LMNA: variants seen among roughly 807,000 people sequenced by gnomAD.
LMNA encodes the protein lamin A/C, also known as lamin.
A neutral mutation model predicts 70.4 loss-of-function variants in LMNA; 20 were observed. The ratio of observed to expected loss-of-function variants is 0.28; its 90% CI spans 0.20 to 0.41. The LOEUF is 0.41. Ranked by LOEUF, LMNA falls within the 10% of genes least tolerant of loss-of-function variation. LMNA has a pLI of 1.00. For missense variants in LMNA, 652 were observed against 917.2 expected (o/e 0.71, Z 3.73); for synonymous variants, 339 against 372.8 (o/e 0.91, Z 1.04).
At chr1:156,096,205 G>C (rs1648930849) in intron 3 of LMNA, among the ~76,000 whole-genome samples, 1 of 152,074 alleles carries the variant, frequency 6.6e-6, no homozygotes, top group Non-Finnish European at 1.5e-5. Context: ...ACAGCCAGGG[G>C]CTCCCCCTTC....
chr1:156,108,502 G>T (rs1242511437), intron 3 of LMNA, among the ~76,000 whole-genome samples: 1 of 152,112 alleles, frequency 6.6e-6, no homozygotes. Flanking sequence ...GGCTGGGCGT[G>T]GTGGCTCATG....
At chr1:156,111,802 ACT>A (rs2102811307), upstream of LMNA, among the ~76,000 whole-genome samples, 1 of 152,280 alleles carries the variant, frequency 6.6e-6, no homozygotes, top group African/African-American at 2.4e-5. Context: ...ATCTAGCATC[ACT>A]CAGCAGTTAA....
At position 156,135,850 on chromosome 1, in the gene LMNA, C is replaced by T. The variant is rs1327301331; in HGVS notation, c.937-51C>T. 6.5e-7 allele frequency: 1 copy of T among 1,534,614 alleles called. No individual in the cohort carries two copies. Among genetic ancestry groups the T allele is most frequent in the Admixed American group, 1.7e-5 (1 of 58,934 alleles). On this transcript the variant is annotated intron_variant, in intron 5 of 11. Coordinates refer to ENST00000368300, the MANE Select transcript of LMNA (RefSeq NM_170707.4). This position sits in a 1 kb window ranked among gnomAD's most constrained non-coding sequence, Gnocchi z 4.8. Reference sequence around the variant, plus strand: ...CTACACCGACCCACGTCCCTCCTTCCCCATACTTAGGGCCCTTGGGAGCTC... The same window carrying T: ...CTACACCGACCCACGTCCCTCCTTCTCCATACTTAGGGCCCTTGGGAGCTC...
chr1:156,136,186 G>C lies in LMNA; in HGVS notation c.1158-28G>C, dbSNP rs1651593715. 1 of 1,612,700 alleles carries C rather than the reference G, an allele frequency of 6.2e-7. No individual in the cohort carries two copies. The highest frequency in any genetic ancestry group is 8.5e-7 in the Non-Finnish European group (1 of 1,179,624). On this transcript the variant is annotated intron_variant, in intron 6 of 11. Transcript: ENST00000368300. The surrounding 1 kb of genome is among the most constrained non-coding windows in gnomAD (Gnocchi z 6.1). ...TCTGGCCGGCAACTGGCCTTGACTA[G>C]ACCCCCACTTGGTCTCCCTCTCCCC...
intron 3 of LMNA, among the ~76,000 whole-genome samples, chr1:156,095,753 T>C (rs1648916071): frequency 6.6e-6 from 1 of 152,172 alleles, no homozygotes; most frequent in Admixed American, 6.5e-5. Flanking sequence ...CCCACTCTAT[T>C]ACCTCCCCAC....
Position 156,134,437 on chromosome 1 carries a change from T to A in LMNA, c.548T>A (p.Leu183His). 1 of 1,614,126 alleles carries A rather than the reference T, an allele frequency of 6.2e-7. No homozygotes were observed. The highest frequency in any genetic ancestry group is 8.5e-7 in the Non-Finnish European group (1 of 1,180,016). ...EAALGEAKKQLQDEMLRRVDA... is the reference protein window; with the variant it reads ...EAALGEAKKQHQDEMLRRVDA... Reference sequence around the variant, plus strand: ...GCCCTAGGTGAGGCCAAGAAGCAACTTCAGGATGAGATGCTGCGGCGGGTG... The same window carrying A: ...GCCCTAGGTGAGGCCAAGAAGCAACATCAGGATGAGATGCTGCGGCGGGTG... The change falls in exon 3 of 12, where the codon CTT becomes CAT. Residue 183 changes from leucine to histidine, a missense_variant. Transcript: ENST00000368300. This position sits in a 1 kb window ranked among gnomAD's most constrained non-coding sequence, Gnocchi z 5.3.
intron 1 of LMNA, among the ~76,000 whole-genome samples, chr1:156,118,877 A>G (rs927850822): frequency 6.6e-6 from 1 of 152,188 alleles, no homozygotes; most frequent in Admixed American, 6.5e-5. Context: ...AACCACACTC[A>G]GGAGTTTGGG....
chr1:156,128,166 A>T (rs59351839), intron 1 of LMNA, among the ~76,000 whole-genome samples: 5,715 of 152,226 alleles, frequency 0.038, 362 homozygotes, highest in African/African-American at 0.13. Context: ...GACGTGAGTT[A>T]ACATAATATT....
At chr1:156,084,337 G>GGCGC (rs1553259261) in intron 2 of LMNA, among the ~76,000 whole-genome samples, 1 of 121,368 alleles carries the variant, frequency 8.2e-6, no homozygotes, top group African/African-American at 3.1e-5. Context: ...TCGGGGGGTG[G>GGCGC]TGGGGGCAGT....
intron 3 of LMNA, among the ~76,000 whole-genome samples, chr1:156,102,705 GA>G (rs1649186274): frequency 6.6e-6 from 1 of 152,156 alleles, no homozygotes; most frequent in African/African-American, 2.4e-5. Context: ...GTTTCTGTGG[GA>G]ATGTGACTTG....
At chr1:156,124,194 G>A (rs1285939659) in intron 1 of LMNA, among the ~76,000 whole-genome samples, 1 of 152,130 alleles carries the variant, frequency 6.6e-6, no homozygotes, top group South Asian at 2.1e-4. Flanking sequence ...GGGCTTTTGA[G>A]GTGTATGATA....
At chr1:156,094,221 C>T (rs945336413) in intron 3 of LMNA, among the ~76,000 whole-genome samples, 3 of 152,228 alleles carry the variant, frequency 2.0e-5, no homozygotes, top group African/African-American at 7.2e-5. Context: ...TCACATGCTC[C>T]TGGCCAGGCC....
chr1:156,095,285 C>T (rs191787315), intron 3 of LMNA, among the ~76,000 whole-genome samples: 40 of 152,096 alleles, frequency 2.6e-4, no homozygotes, highest in Admixed American at 5.2e-4. Flanking sequence ...ACTGATCGCT[C>T]TCCATGAATA....
intron 1 of LMNA, among the ~76,000 whole-genome samples, chr1:156,120,069 A>G (rs1044104924): frequency 3.3e-5 from 5 of 152,148 alleles, no homozygotes; most frequent in African/African-American, 1.2e-4. Flanking sequence ...AGGCCCACAA[A>G]GCAGAAGCGC....
chr1:156,132,835 CTCTT>C (rs1651188543), intron 2 of LMNA, among the ~76,000 whole-genome samples: 1 of 131,088 alleles, frequency 7.6e-6, no homozygotes, highest in Non-Finnish European at 1.6e-5. Flanking sequence ...CTCTCTCTCT[CTCTT>C]TTTTTTTTTT....
At chr1:156,117,905 C>T (rs1317525747) in intron 1 of LMNA, among the ~76,000 whole-genome samples, 2 of 151,384 alleles carry the variant, frequency 1.3e-5, no homozygotes, top group African/African-American at 2.4e-5. Flanking sequence ...TGGGCTCAAG[C>T]GATCCTACCG....
rs562685968 is a variant in LMNA, at chr1:156,126,414, C to T, written c.357-4203C>T. The T allele has an allele frequency of 1.3e-3, 800 of 622,516 alleles. 11 individuals carry two copies. In the Admixed American group the frequency reaches 0.022, roughly 17 times the overall value. The allele number at this position is 622,516 out of a possible 1,614,324, so 38.6% of individuals were successfully genotyped here. On this transcript the variant is annotated intron_variant, in intron 1 of 11. Coordinates refer to ENST00000368300, the MANE Select transcript of LMNA (RefSeq NM_170707.4). Reference sequence around the variant, plus strand: ...GGCCTAGCCTGTTGCCCCCAGCAACCGGGCCCAAACAGGCCTGTGGCCGGC... The same window carrying T: ...GGCCTAGCCTGTTGCCCCCAGCAACTGGGCCCAAACAGGCCTGTGGCCGGC...
At chr1:156,105,219 G>A (rs1649287082) in intron 3 of LMNA, among the ~76,000 whole-genome samples, 2 of 152,224 alleles carry the variant, frequency 1.3e-5, no homozygotes, top group African/African-American at 4.8e-5. Flanking sequence ...GGCTGGCTTA[G>A]GGATAGCAGA....
In LMNA at chr1:156,136,795, G is replaced by T; in HGVS notation, c.1381-126G>T. On this transcript the variant is annotated intron_variant, in intron 7 of 11. Transcript: ENST00000368300. The surrounding 1 kb of genome is among the most constrained non-coding windows in gnomAD (Gnocchi z 6.1). ...TATCCCCGGGGGAAGGGCAGTGACA[G>T]GGGTGTGTGTAGATGGAAGGAGAGG... 1.3e-6 allele frequency: 1 copy of T among 791,248 alleles called. No homozygotes were observed. The highest frequency in any genetic ancestry group is 2.2e-6 in the Non-Finnish European group (1 of 462,266). The allele number at this position is 791,248 out of a possible 1,614,324, so 49.0% of individuals were successfully genotyped here. A position where few individuals can be genotyped will look rare whatever the true frequency, so the allele number is the denominator to read the frequency against.
Sources: gnomAD v4.1 joint callset for allele counts (sites outside exome capture counted in the v4.1 genomes callset) on GRCh38, gnomAD v4.1.1 for gene constraint, Gnocchi (gnomAD v3.1) non-coding constraint, MANE v1.5 for transcripts, NCBI Gene and HGNC (gene_info 2026-07-23, HGNC 2026-07-21) for gene names.